Variants in YME1L1 observed in about 807,000 individuals in gnomAD.
YME1L1 encodes the protein ATP-dependent zinc metalloprotease YME1L1.
YME1L1 carries 39 observed loss-of-function variants against 90.4 expected under a neutral mutation model. The observed-to-expected ratio is 0.43, with a 90% CI of 0.33 to 0.56. The LOEUF (loss-of-function observed/expected upper bound fraction) is 0.56. Ranked by LOEUF, YME1L1 falls within the 20% of genes least tolerant of loss-of-function variation. The pLI is 0.03. For missense variants in YME1L1, 617 were observed against 868.4 expected, an observed-to-expected ratio of 0.71 and a Z score of 3.64; for synonymous variants, 284 against 287.3, an observed-to-expected ratio of 0.99 and a Z score of 0.12.
chr10:27,142,193 C>T (rs1181567451), intron 4 of YME1L1, among the ~76,000 whole-genome samples, 194 bp downstream of exon 4: 1 of 152,090 alleles, frequency 6.6e-6, no homozygotes, highest in Non-Finnish European at 1.5e-5. Flanking sequence ...GGCACTATCA[C>T]GCTCAAAATT....
intron 12 of YME1L1, 55 bp downstream of exon 12, chr10:27,121,331 G>T: frequency 7.8e-7 from 1 of 1,277,360 alleles, no homozygotes; most frequent in Non-Finnish European, 1.1e-6. Context: ...ACTTCTTTTA[G>T]CACAATTTTG....
intron 1 of YME1L1, among the ~76,000 whole-genome samples, chr10:27,151,903 A>T (rs1215093189): frequency 1.3e-4 from 19 of 150,498 alleles, no homozygotes; most frequent in African/African-American, 9.7e-5. Flanking sequence ...AAATTAAAAT[A>T]AAAAAAAGTA....
At chr10:27,148,857 C>G (rs1014923512) in intron 2 of YME1L1, 49 bp downstream of exon 2, 1 of 1,606,040 alleles carries the variant, frequency 6.2e-7, no homozygotes, top group Non-Finnish European at 8.5e-7. Context: ...GTTTAAGGGT[C>G]AACTGTATAT....
Position 27,145,532 on chromosome 10 carries a change from T to G in YME1L1, c.227A>C (p.Gln76Pro). The G allele has an allele frequency of 6.2e-7, 1 of 1,613,666 alleles. No individual in the cohort carries two copies. Among genetic ancestry groups the G allele is most frequent in the Non-Finnish European group, 8.5e-7 (1 of 1,179,710 alleles). Residue 76 changes from glutamine to proline, a missense_variant, in exon 3 of 19, where the codon CAG (glutamine) becomes CCG (proline). Gln to Pro is a moderately conservative substitution (Grantham distance 76). Transcript: ENST00000376016. ...TCCAGGAAGTAGATTTTCTACCAGCTGATCAATCTGTCCAATTTTTAGTTC... is the reference window on the plus strand; with the variant it reads ...TCCAGGAAGTAGATTTTCTACCAGCGGATCAATCTGTCCAATTTTTAGTTC... ...LSELKIGQID[Q>P]LVENLLPGFC...
chr10:27,148,187 G>C (rs1457058574), intron 2 of YME1L1, among the ~76,000 whole-genome samples: 1 of 149,892 alleles, frequency 6.7e-6, no homozygotes, highest in Non-Finnish European at 1.5e-5. Flanking sequence ...CAAAAAATGA[G>C]ATTACATTTT....
intron 3 of YME1L1, among the ~76,000 whole-genome samples, chr10:27,143,555 G>A (rs917052151): frequency 6.6e-5 from 10 of 151,742 alleles, no homozygotes; most frequent in South Asian, 2.1e-4. Context: ...AAAATTAGCC[G>A]GGCGTGGTGG....
In YME1L1 at chr10:27,148,871, A is replaced by C. The variant is rs1588617388; in HGVS notation, c.168+35T>G. ...TGTTTAAGGGTCAACTGTATATCAA[A>C]AAGGCTTTCTCACACAACCAGGATA... On this transcript the variant is annotated intron_variant, in intron 2 of 18. Coordinates refer to ENST00000376016, the MANE Select transcript of YME1L1 (RefSeq NM_014263.4). The C allele has an allele frequency of 2.5e-6, 4 of 1,611,268 alleles. No individual in the cohort carries two copies. In the East Asian group the frequency reaches 8.9e-5, roughly 36 times the overall value.
chr10:27,139,888 ATT>A (rs1428671424), intron 4 of YME1L1, among the ~76,000 whole-genome samples: 1 of 151,830 alleles, frequency 6.6e-6, no homozygotes, highest in Non-Finnish European at 1.5e-5. Context: ...TTTATACTAA[ATT>A]TGTTTTTGGT....
chr10:27,119,275 A>T lies in YME1L1; in HGVS notation c.1567+19T>A, dbSNP rs1374223321. ...CACAATGAAAAGTAAAAGACAGAAAAAAAAGAAAGGAAACCTACCCATTAG... is the reference window on the plus strand; with the variant it reads ...CACAATGAAAAGTAAAAGACAGAAATAAAAGAAAGGAAACCTACCCATTAG... On this transcript the variant is annotated intron_variant, in intron 14 of 18. Coordinates refer to ENST00000376016, the MANE Select transcript of YME1L1 (RefSeq NM_014263.4). 6.3e-7 allele frequency: 1 copy of T among 1,577,396 alleles called. No homozygotes were observed. Among genetic ancestry groups the T allele is most frequent in the African/African-American group, 1.4e-5 (1 of 72,370 alleles).
intron 1 of YME1L1, among the ~76,000 whole-genome samples, chr10:27,152,846 T>G (rs2057238809): frequency 1.3e-5 from 2 of 152,174 alleles, no homozygotes; most frequent in Admixed American, 6.5e-5. Context: ...TGATAACATC[T>G]TCCACTCTTG....
At chr10:27,144,248 G>A (rs1303167906) in intron 3 of YME1L1, among the ~76,000 whole-genome samples, 1 of 152,118 alleles carries the variant, frequency 6.6e-6, no homozygotes, top group Non-Finnish European at 1.5e-5. Context: ...ACTTGGTATG[G>A]GCCAAATATT....
chr10:27,135,245 T>C (rs1417108145), intron 5 of YME1L1, among the ~76,000 whole-genome samples: 1 of 152,174 alleles, frequency 6.6e-6, no homozygotes, highest in Non-Finnish European at 1.5e-5. Flanking sequence ...CACATATTAT[T>C]TTAGGGTTTG....
At chr10:27,154,063 G>T in intron 1 of YME1L1, 115 bp downstream of exon 1, 1 of 1,349,022 alleles carries the variant, frequency 7.4e-7, no homozygotes, top group Non-Finnish European at 1.0e-6. Flanking sequence ...GATTCGCATT[G>T]AGTACATCAC....
At chr10:27,147,579 C>G in intron 2 of YME1L1, 1 of 1,594,728 alleles carries the variant, frequency 6.3e-7, no homozygotes, top group Admixed American at 1.8e-5. Flanking sequence ...TTTTTGCTGG[C>G]TCCATGAACA....
intron 5 of YME1L1, among the ~76,000 whole-genome samples, chr10:27,135,494 C>T (rs2057018406): frequency 6.6e-6 from 1 of 152,148 alleles, no homozygotes; most frequent in Non-Finnish European, 1.5e-5. Context: ...TAAATCAATG[C>T]TACCTCAGGA....
chr10:27,147,808 T>C (rs573565035), intron 2 of YME1L1: 8 of 1,176,070 alleles, frequency 6.8e-6, no homozygotes, highest in Admixed American at 2.4e-5. Context: ...GCGTGCACAA[T>C]GGCCAGCAGG....
chr10:27,153,771 TA>T (rs1349099026), intron 1 of YME1L1, among the ~76,000 whole-genome samples: 3 of 152,184 alleles, frequency 2.0e-5, no homozygotes, highest in African/African-American at 7.2e-5. Context: ...GAGCAGGGGA[TA>T]GGGGCTGTGA....
Position 27,142,485 on chromosome 10 carries a change from C to G in YME1L1, c.332G>C (p.Gly111Ala). ...SAQSFFENKY[G>A]NLDIFSTLRS... Reference sequence around the variant, plus strand: ...TAATGTACTAAATATATCTAAGTTACCTGGAGGGAAATTGCAAAAAGTAAA... The same window carrying G: ...TAATGTACTAAATATATCTAAGTTAGCTGGAGGGAAATTGCAAAAAGTAAA... The change falls in exon 4 of 19, where the codon GGT (glycine) becomes GCT (alanine). Residue 111 changes from glycine (G) to alanine (A), a missense_variant and splice_region_variant. By Grantham distance (60) the Gly-to-Ala change is moderately conservative. Around this residue, in one of 4 missense-constraint regions of YME1L1, gnomAD observed 311 missense variants for 335.8 expected, o/e 0.93. Coordinates refer to ENST00000376016, the MANE Select transcript of YME1L1 (RefSeq NM_014263.4). 1 of 1,411,784 alleles carries G rather than the reference C, an allele frequency of 7.1e-7. No individual in the cohort carries two copies. Among genetic ancestry groups the G allele is most frequent in the Non-Finnish European group, 9.3e-7 (1 of 1,069,578 alleles). The allele number at this position is 1,411,784 out of a possible 1,614,324, so 87.5% of individuals were successfully genotyped here.
In YME1L1 at chr10:27,142,453, A is replaced by G. The variant is rs2057098983; in HGVS notation, c.364T>C (p.Ser122Pro). Reference sequence around the variant, plus strand: ...CTTGAATGATGTCGATACAAGCAAGAGGAACGTAATGTACTAAATATATCT... The same window carrying G: ...CTTGAATGATGTCGATACAAGCAAGGGGAACGTAATGTACTAAATATATCT... The part of the protein sequence containing the change: ...NLDIFSTLRS[S>P]CLYRHHSRAL... The change falls in exon 4 of 19, where the codon TCT becomes CCT. Residue 122 changes from serine (S) to proline (P), a missense_variant. Ser to Pro is a moderately conservative substitution (Grantham distance 74). Coordinates refer to ENST00000376016, the MANE Select transcript of YME1L1 (RefSeq NM_014263.4). The G allele has an allele frequency of 1.3e-6, 2 of 1,529,658 alleles. No individual in the cohort carries two copies. The highest frequency in any genetic ancestry group is 1.8e-6 in the Non-Finnish European group (2 of 1,138,434). 94.8% of individuals were successfully genotyped at this position (1,529,658 alleles called of 1,614,324 possible). A position where few individuals can be genotyped will look rare whatever the true frequency, so the allele number is the denominator to read the frequency against.
Sources: allele counts gnomAD v4.1 joint callset (sites outside exome capture counted in the v4.1 genomes callset), GRCh38; gene constraint gnomAD v4.1.1; regional missense constraint gnomAD v4.1.1; transcripts MANE v1.5; gene names NCBI Gene and HGNC (gene_info 2026-07-23, HGNC 2026-07-21).